Variants in TRDN observed in about 807,000 individuals in gnomAD.
TRDN encodes triadin in skeletal muscle.
Under a neutral mutation model 149.7 loss-of-function variants are expected in TRDN, and 161 were observed. The observed-to-expected ratio is 1.08, with a 90% confidence interval of 0.95 to 1.23. TRDN has a LOEUF of 1.23. Ranked by LOEUF, TRDN falls within the 50% of genes most tolerant of loss-of-function variation. The pLI, the probability that TRDN is intolerant of heterozygous loss-of-function variation, is 0.00. For synonymous variants in TRDN, 294 were observed against 250.5 expected, an observed-to-expected ratio of 1.17 and a Z score of -1.64; for missense variants, 896 against 823.5, an observed-to-expected ratio of 1.09 and a Z score of -1.08.
intron 9 of TRDN, among the ~76,000 whole-genome samples, chr6:123,466,351 A>C (rs1259408637): frequency 2.0e-5 from 3 of 152,172 alleles, no homozygotes; most frequent in Admixed American, 1.3e-4. Flanking sequence ...GTTTTCCTGC[A>C]TTAAGTCATT....
At chr6:123,392,617 C>A (rs926139072) in intron 13 of TRDN, among the ~76,000 whole-genome samples, 14 of 152,010 alleles carry the variant, frequency 9.2e-5, no homozygotes, top group Non-Finnish European at 1.9e-4. Flanking sequence ...TCAGAACTTT[C>A]CTAAAGAAAA....
intron 32 of TRDN, among the ~76,000 whole-genome samples, chr6:123,266,182 T>C (rs1167781961): frequency 1.1e-5 from 1 of 89,704 alleles, no homozygotes; most frequent in Non-Finnish European, 2.0e-5. Context: ...ATATATTATA[T>C]ATATTATAAT....
At chr6:123,222,309 T>C (rs1209808858) in intron 39 of TRDN, among the ~76,000 whole-genome samples, 4 of 151,664 alleles carry the variant, frequency 2.6e-5, no homozygotes, top group Non-Finnish European at 5.9e-5. Flanking sequence ...CCTCAGAGTG[T>C]AATCTATATA....
chr6:123,386,939 C>G (rs1781926667), intron 14 of TRDN, among the ~76,000 whole-genome samples: 1 of 152,078 alleles, frequency 6.6e-6, no homozygotes, highest in Non-Finnish European at 1.5e-5. Context: ...TTGTTTAGGC[C>G]TTGGTCATGA....
At chr6:123,486,434 A>G (rs1425504947) in intron 9 of TRDN, among the ~76,000 whole-genome samples, 2 of 151,938 alleles carry the variant, frequency 1.3e-5, no homozygotes, top group African/African-American at 4.8e-5. Context: ...TTTTAATTCA[A>G]TTATAATAAG....
intron 10 of TRDN, among the ~76,000 whole-genome samples, chr6:123,453,995 T>C (rs6923758): frequency 0.22 from 33,153 of 151,742 alleles, 4,548 homozygotes; most frequent in East Asian, 0.63. Context: ...CTGGATGAGA[T>C]TGGAGACTAT....
At chr6:123,569,139 C>T (rs1183317543) in intron 2 of TRDN, among the ~76,000 whole-genome samples, 3 of 152,160 alleles carry the variant, frequency 2.0e-5, no homozygotes, top group African/African-American at 4.8e-5. Flanking sequence ...TACACTACAT[C>T]ATTACTCTCA....
chr6:123,242,465 C>G (rs569489972), intron 38 of TRDN, among the ~76,000 whole-genome samples: 14 of 151,724 alleles, frequency 9.2e-5, no homozygotes, highest in Admixed American at 5.3e-4. Context: ...ACCATATATA[C>G]AAAAATAAAG....
intron 17 of TRDN, 41 bp from the exon 18 acceptor site, chr6:123,377,783 T>C: frequency 6.2e-7 from 1 of 1,611,546 alleles, no homozygotes; most frequent in Non-Finnish European, 8.5e-7. Context: ...GCATTCTATG[T>C]CATTCAATTG....
rs765514824 is a variant in TRDN, at chr6:123,571,037, T to C, written c.118A>G (p.Ile40Val). 1.2e-6 allele frequency: 2 copies of C among 1,614,002 alleles called. No individual in the cohort carries two copies. The highest frequency in any genetic ancestry group is 4.5e-5 in the East Asian group (2 of 44,882). ...GCAGGGGAGCTGAACGTCGTCACTA[T>C]GTCTTCTGTGACTGTCCTCTTCAGC... ...KVLKRTVTEDIVTTFSSPAAW... is the reference protein window; with the variant it reads ...KVLKRTVTEDVVTTFSSPAAW... The change falls in exon 2 of 41, where the codon ATA (isoleucine) becomes GTA (valine). Residue 40 changes from isoleucine (I) to valine (V), a missense_variant. Ile to Val is a conservative substitution (Grantham distance 29, BLOSUM62 3). Coordinates refer to ENST00000334268, the MANE Select transcript of TRDN (RefSeq NM_006073.4).
chr6:123,286,124 A>G (rs767907161), intron 24 of TRDN, among the ~76,000 whole-genome samples: 32 of 152,266 alleles, frequency 2.1e-4, no homozygotes, highest in Non-Finnish European at 3.8e-4. Flanking sequence ...GAGATTTCTT[A>G]AAGAACTAAA....
intron 21 of TRDN, among the ~76,000 whole-genome samples, chr6:123,346,494 A>G (rs1780251082): frequency 6.6e-6 from 1 of 152,036 alleles, no homozygotes; most frequent in African/African-American, 2.4e-5. Context: ...GTACACAGAA[A>G]GAAAATTGAG....
intron 20 of TRDN, among the ~76,000 whole-genome samples, chr6:123,364,900 A>T (rs1781032619): frequency 6.6e-6 from 1 of 152,210 alleles, no homozygotes; most frequent in South Asian, 2.1e-4. Context: ...ACAATTACTC[A>T]TTTTGAAGCA....
chr6:123,427,308 A>G (rs1379633744), intron 12 of TRDN, among the ~76,000 whole-genome samples: 1 of 151,490 alleles, frequency 6.6e-6, no homozygotes, highest in African/African-American at 2.4e-5. Flanking sequence ...CTAACCTTCT[A>G]GAAGAGTAAG....
intron 38 of TRDN, among the ~76,000 whole-genome samples, chr6:123,225,715 A>C (rs1260521353): frequency 6.6e-6 from 1 of 151,718 alleles, no homozygotes; most frequent in Non-Finnish European, 1.5e-5. Context: ...TGGGGAAAGG[A>C]AGACACTACA....
At chr6:123,445,858 C>G (rs1775309280) in intron 10 of TRDN, among the ~76,000 whole-genome samples, 1 of 132,262 alleles carries the variant, frequency 7.6e-6, no homozygotes, top group African/African-American at 3.2e-5. Flanking sequence ...ACTAGAAATA[C>G]CATTTGACCC....
At chr6:123,243,153 G>A (rs9388197) in intron 38 of TRDN, among the ~76,000 whole-genome samples, 112,571 of 151,916 alleles carry the variant, frequency 0.74, 42,417 homozygotes, top group Admixed American at 0.82. Context: ...GCCTGCCTAT[G>A]CCACTCTATT....
Position 123,577,307 on chromosome 6 carries a change from C to A in TRDN, c.23-6175G>T, listed in dbSNP as rs1161433179. ...CTCCTGTCCCTCCTGCCACCCTCCA[C>A]CCTCAAGTAGGCCCCAGTGTCTGTT... is the stretch of plus-strand genomic sequence containing the variant. On this transcript the variant is annotated intron_variant, in intron 1 of 40. Coordinates refer to ENST00000334268, the MANE Select transcript of TRDN (RefSeq NM_006073.4). Among the ~76,000 whole-genome samples, 3 of 152,072 alleles carry A rather than the reference C, an allele frequency of 2.0e-5. No individual in the cohort carries two copies. The East Asian group carries it at 5.8e-4, about 29-fold the overall frequency.
intron 14 of TRDN, among the ~76,000 whole-genome samples, chr6:123,385,170 G>A (rs528865515): frequency 6.6e-6 from 1 of 152,172 alleles, no homozygotes; most frequent in Non-Finnish European, 1.5e-5. Context: ...GCTCATGCCT[G>A]TAATCCCAGC....
Sources: gnomAD v4.1 joint callset for allele counts (sites outside exome capture counted in the v4.1 genomes callset) on GRCh38, gnomAD v4.1.1 for gene constraint, MANE v1.5 for transcripts, NCBI Gene and HGNC (gene_info 2026-07-23, HGNC 2026-07-21) for gene names.